Variants in KCNS3 observed in about 807,000 individuals in gnomAD.
The protein encoded by KCNS3 is delayed-rectifier potassium channel regulatory subunit KCNS3.
KCNS3 carries 13 observed loss-of-function variants against 31.0 expected under a neutral mutation model. The observed-to-expected ratio is 0.42, with a 90% CI of 0.27 to 0.67. The LOEUF (loss-of-function observed/expected upper bound fraction) is 0.67. KCNS3 is among the 30% of genes least tolerant of loss of function. The pLI, the probability that KCNS3 is intolerant of heterozygous loss-of-function variation, is 0.25. For missense variants in KCNS3, 545 were observed against 622.4 expected, an observed-to-expected ratio of 0.88 and a Z score of 1.32; for synonymous variants, 238 against 241.5, an observed-to-expected ratio of 0.99 and a Z score of 0.13.
At position 17,887,484 on chromosome 2, in the gene KCNS3, G is replaced by GGTCTATCT. The variant is rs1553341247; in HGVS notation, c.-252+8678_-252+8679insGTCTATCT. On this transcript the variant is annotated intron_variant, in intron 1 of 2. Transcript: ENST00000304101. ...ATGGCTGCGTTGTATTCTATCATAT[G>GGTCTATCT]ATCTATCTATCTATCTATCTATCTA... Among the ~76,000 whole-genome samples the GGTCTATCT allele has an allele frequency of 2.1e-5, 3 of 146,242 alleles. No individual in the cohort carries two copies. In the Admixed American group the frequency reaches 2.1e-4, roughly 10 times the overall value.
At chr2:17,881,269 T>A (rs57421222) in intron 1 of KCNS3, among the ~76,000 whole-genome samples, 8,763 of 152,230 alleles carry the variant, frequency 0.058, 613 homozygotes, top group East Asian at 0.38. Flanking sequence ...AAGGTGGGTG[T>A]GTTTATTGAC....
In KCNS3 at chr2:17,931,666, C is replaced by T. The variant is rs765972959; in HGVS notation, c.658C>T (p.Pro220Ser). 1.6e-5 allele frequency: 26 copies of T among 1,614,046 alleles called. No homozygotes were observed. In the South Asian group the frequency reaches 2.6e-4, roughly 16 times the overall value. The change falls in exon 3 of 3, where the codon CCG becomes TCG. Residue 220 changes from proline to serine, a missense_variant. Physicochemically the swap from Pro to Ser is moderately conservative, Grantham distance 74. Coordinates refer to ENST00000304101, the MANE Select transcript of KCNS3 (RefSeq NM_002252.5). The surrounding 1 kb of genome is among the most constrained non-coding windows in gnomAD (Gnocchi z 5.4). ...GAATGAGGATGGAGAAGTGGATGATCCGGTGCTGGAAGGAGTGGAGATCGC... is the reference window on the plus strand; with the variant it reads ...GAATGAGGATGGAGAAGTGGATGATTCGGTGCTGGAAGGAGTGGAGATCGC... ...FQNEDGEVDD[P>S]VLEGVEIACI...
At chr2:17,921,780 T>G (rs1662709959) in intron 2 of KCNS3, among the ~76,000 whole-genome samples, 1 of 151,400 alleles carries the variant, frequency 6.6e-6, no homozygotes, top group African/African-American at 2.4e-5. Flanking sequence ...GCCCCCATGA[T>G]TCAATCACCT....
At chr2:17,912,425 G>A (rs763879350) in intron 1 of KCNS3, among the ~76,000 whole-genome samples, 14 of 152,232 alleles carry the variant, frequency 9.2e-5, no homozygotes, top group Middle Eastern at 6.3e-3. Flanking sequence ...ACTACAAGGT[G>A]GATGGAGCCA....
At chr2:17,899,511 G>A (rs1274240776) in intron 1 of KCNS3, among the ~76,000 whole-genome samples, 3 of 152,156 alleles carry the variant, frequency 2.0e-5, no homozygotes, top group African/African-American at 7.2e-5. Context: ...CAAACAGAAA[G>A]TGGTAGTTAC....
chr2:17,883,388 T>TG (rs1383415180), intron 1 of KCNS3, among the ~76,000 whole-genome samples: 1 of 2,378 alleles, frequency 4.2e-4, no homozygotes, highest in African/African-American at 3.4e-3. Flanking sequence ...AAGGAAACGG[T>TG]GGGGGGTTGG....
At chr2:17,913,725 T>G (rs1662523964) in intron 1 of KCNS3, among the ~76,000 whole-genome samples, 1 of 152,206 alleles carries the variant, frequency 6.6e-6, no homozygotes, top group East Asian at 1.9e-4. Flanking sequence ...GTGCCTGAGG[T>G]TCTTTTCCTG....
chr2:17,881,044 G>A (rs1674634275), intron 1 of KCNS3, among the ~76,000 whole-genome samples: 1 of 152,162 alleles, frequency 6.6e-6, no homozygotes, highest in Admixed American at 6.5e-5. Flanking sequence ...CAGATACTCT[G>A]CTAGGCACTT....
At chr2:17,899,388 T>A (rs1468646423) in intron 1 of KCNS3, among the ~76,000 whole-genome samples, 2 of 151,750 alleles carry the variant, frequency 1.3e-5, no homozygotes, top group African/African-American at 2.4e-5. Flanking sequence ...TCTTATTATA[T>A]TATTATTATA....
At chr2:17,914,233 A>G (rs1202911449) in intron 1 of KCNS3, among the ~76,000 whole-genome samples, 4 of 152,232 alleles carry the variant, frequency 2.6e-5, no homozygotes, top group Non-Finnish European at 2.9e-5. Flanking sequence ...CATAGACAGA[A>G]CTAGCAGACA....
chr2:17,927,643 C>T (rs561496257), intron 2 of KCNS3, among the ~76,000 whole-genome samples: 2 of 152,220 alleles, frequency 1.3e-5, no homozygotes, highest in East Asian at 3.9e-4. Flanking sequence ...CTAATAAAAC[C>T]ATCAAATCTT....
intron 1 of KCNS3, among the ~76,000 whole-genome samples, chr2:17,887,573 T>G (rs759249179): frequency 6.6e-6 from 1 of 151,684 alleles, no homozygotes; most frequent in South Asian, 2.1e-4. Flanking sequence ...ATCCACTCAT[T>G]GATTGATGGG....
chr2:17,899,792 TAAC>T (rs1662124870), intron 1 of KCNS3, among the ~76,000 whole-genome samples: 1 of 152,248 alleles, frequency 6.6e-6, no homozygotes, highest in Admixed American at 6.5e-5. Context: ...GATAAGCCCA[TAAC>T]AAACTGTGAC....
chr2:17,925,478 C>T (rs1005057243), intron 2 of KCNS3, among the ~76,000 whole-genome samples: 3 of 152,118 alleles, frequency 2.0e-5, no homozygotes, highest in Admixed American at 6.5e-5. Context: ...AAGACATACC[C>T]GACTGGGTAA....
At chr2:17,901,362 A>G (rs1404676137) in intron 1 of KCNS3, among the ~76,000 whole-genome samples, 1 of 151,734 alleles carries the variant, frequency 6.6e-6, no homozygotes, top group Non-Finnish European at 1.5e-5. Flanking sequence ...GGCAATGGGG[A>G]TGTGTATTTG....
At chr2:17,921,913 GTGTA>G (rs1290369628) in intron 2 of KCNS3, among the ~76,000 whole-genome samples, 850 of 33,936 alleles carry the variant, frequency 0.025, 4 homozygotes, top group Admixed American at 0.032. Flanking sequence ...GTGTGTGTGT[GTGTA>G]TATATATATA....
chr2:17,908,866 C>A (rs1662401777), intron 1 of KCNS3, among the ~76,000 whole-genome samples: 1 of 152,152 alleles, frequency 6.6e-6, no homozygotes, highest in Non-Finnish European at 1.5e-5. Flanking sequence ...GTCAGTCTGC[C>A]CCTACTGGGG....
At chr2:17,878,640 C>A (rs986152735), upstream of KCNS3, 4 of 148,352 alleles carry the variant, frequency 2.7e-5, no homozygotes, top group Non-Finnish European at 4.5e-5. Context: ...CCGGGAGCCT[C>A]GCTCTAGCGG....
intron 1 of KCNS3, among the ~76,000 whole-genome samples, chr2:17,883,948 C>T (rs1160628945): frequency 6.6e-6 from 1 of 151,836 alleles, no homozygotes; most frequent in Non-Finnish European, 1.5e-5. Context: ...GAGTTTATGT[C>T]CTTTGTAGGG....
Sources: gnomAD v4.1 joint callset for allele counts (sites outside exome capture counted in the v4.1 genomes callset) on GRCh38, gnomAD v4.1.1 for gene constraint, Gnocchi (gnomAD v3.1) non-coding constraint, MANE v1.5 for transcripts, NCBI Gene and HGNC (gene_info 2026-07-23, HGNC 2026-07-21) for gene names.